TFDP2: variants seen among roughly 807,000 people sequenced by gnomAD.
TFDP2 encodes transcription factor Dp-2, also known as transcription factor Dp-2 (E2F dimerization partner 2).
TFDP2 carries 17 observed loss-of-function variants against 59.3 expected under a neutral mutation model. The ratio of observed to expected loss-of-function variants is 0.29; its 90% CI spans 0.20 to 0.43. The LOEUF (loss-of-function observed/expected upper bound fraction) is 0.43. TFDP2 is among the 20% of genes least tolerant of loss of function. TFDP2 has a pLI of 1.00. For synonymous variants in TFDP2, 180 were observed against 194.7 expected (o/e 0.92, Z 0.63); for missense variants, 391 against 528.8 (o/e 0.74, Z 2.56).
intron 9 of TFDP2, among the ~76,000 whole-genome samples, chr3:141,969,129 ACATATATATCC>A (rs1939159335): frequency 1.3e-5 from 1 of 78,748 alleles, no homozygotes; most frequent in African/African-American, 7.3e-5. Context: ...TATATATATA[ACATATATATCC>A]CATATATATG....
At chr3:142,100,727 TA>T (rs1176777507) in intron 2 of TFDP2, among the ~76,000 whole-genome samples, 1 of 151,186 alleles carries the variant, frequency 6.6e-6, no homozygotes, top group Non-Finnish European at 1.5e-5. Flanking sequence ...CCCTAACATA[TA>T]GATGGAAATG....
chr3:141,981,173 CTATGTTTAGG>C (rs1285344918), intron 6 of TFDP2, among the ~76,000 whole-genome samples: 2 of 151,976 alleles, frequency 1.3e-5, no homozygotes, highest in Admixed American at 1.3e-4. Context: ...CTACTTTTTT[CTATGTTTAGG>C]TATGTTTAAA....
chr3:142,048,240 CCTCGT>C (rs1947445544), intron 3 of TFDP2, among the ~76,000 whole-genome samples: 1 of 151,880 alleles, frequency 6.6e-6, no homozygotes, highest in Admixed American at 6.6e-5. Flanking sequence ...CATGGTGAAA[CCTCGT>C]CTCCACTAAA....
intron 3 of TFDP2, among the ~76,000 whole-genome samples, chr3:142,007,231 A>T (rs1295070000): frequency 6.6e-6 from 1 of 151,720 alleles, no homozygotes; most frequent in Non-Finnish European, 1.5e-5. Flanking sequence ...TTTTCCCCCT[A>T]ATTCCACATA....
At chr3:142,103,770 A>C (rs1046083915) in intron 1 of TFDP2, among the ~76,000 whole-genome samples, 2 of 152,164 alleles carry the variant, frequency 1.3e-5, no homozygotes, top group Non-Finnish European at 2.9e-5. Context: ...ATAAAGTAAA[A>C]CTTAACTTCG....
chr3:142,123,090 T>A (rs1407293200), intron 1 of TFDP2, among the ~76,000 whole-genome samples: 1 of 151,978 alleles, frequency 6.6e-6, no homozygotes, highest in Non-Finnish European at 1.5e-5. Context: ...GCCTGCTGAG[T>A]AGCTGAAATT....
chr3:141,980,238 T>TA (rs199763613), intron 6 of TFDP2, among the ~76,000 whole-genome samples: 9,022 of 111,318 alleles, frequency 0.081, 354 homozygotes, highest in East Asian at 0.21. Flanking sequence ...GTTTCAAAAG[T>TA]AAAAAAAAAA....
chr3:142,109,606 G>A (rs906639767), intron 1 of TFDP2, among the ~76,000 whole-genome samples: 1 of 152,116 alleles, frequency 6.6e-6, no homozygotes, highest in African/African-American at 2.4e-5. Flanking sequence ...GGGATTACAG[G>A]CATGAGCCAC....
Position 142,149,444 on chromosome 3 carries a change from G to C in TFDP2, c.-354C>G, listed in dbSNP as rs1286694647. ...CCGCGGGCCGGGCAGCTGCGGCAGC[G>C]CCGCAGCCGAGATCGCTACCGATTT... is the stretch of plus-strand genomic sequence containing the variant. On this transcript the variant is annotated 5_prime_UTR_variant, in exon 1 of 13. Coordinates refer to ENST00000489671, the MANE Select transcript of TFDP2 (RefSeq NM_001178139.2). 10 of 379,132 alleles carry C rather than the reference G, an allele frequency of 2.6e-5. No homozygotes were observed. The highest frequency in any genetic ancestry group is 2.9e-4 in the South Asian group (2 of 6,854). The allele number at this position is 379,132 out of a possible 1,614,324, so 23.5% of individuals were successfully genotyped here.
chr3:141,958,418 T>C (rs1936959565), intron 11 of TFDP2, among the ~76,000 whole-genome samples: 1 of 152,172 alleles, frequency 6.6e-6, no homozygotes, highest in Non-Finnish European at 1.5e-5. Flanking sequence ...ACTTCACTTA[T>C]ATAGAGGCCA....
chr3:142,071,976 A>G (rs1463778570), intron 3 of TFDP2, among the ~76,000 whole-genome samples: 1 of 152,200 alleles, frequency 6.6e-6, no homozygotes, highest in African/African-American at 2.4e-5. Flanking sequence ...CATATACATA[A>G]CAGATGACAA....
intron 8 of TFDP2, among the ~76,000 whole-genome samples, chr3:141,973,300 G>A (rs1332572132): frequency 6.6e-6 from 1 of 151,634 alleles, no homozygotes; most frequent in African/African-American, 2.4e-5. Context: ...TTTTAGTAGA[G>A]ACGGGGTTTT....
chr3:141,996,521 A>C lies in TFDP2; in HGVS notation c.187-1380T>G, dbSNP rs570872039. Among the ~76,000 whole-genome samples the C allele has an allele frequency of 2.8e-4, 42 of 152,354 alleles. No individual in the cohort carries two copies. The South Asian group carries it at 7.2e-3, about 26-fold the overall frequency. Reference sequence around the variant, plus strand: ...ATTTCTACTGCCTTATGCAAGACAAAATGCTAATTAATTTTTATCTCCCTG... The same window carrying C: ...ATTTCTACTGCCTTATGCAAGACAACATGCTAATTAATTTTTATCTCCCTG... On this transcript the variant is annotated intron_variant, in intron 4 of 12. Coordinates refer to ENST00000489671, the MANE Select transcript of TFDP2 (RefSeq NM_001178139.2).
At chr3:142,108,494 G>A (rs1219514713) in intron 1 of TFDP2, among the ~76,000 whole-genome samples, 9 of 152,146 alleles carry the variant, frequency 5.9e-5, no homozygotes, top group Admixed American at 5.9e-4. Context: ...ACAGGCATGA[G>A]CCACCATGCC....
intron 1 of TFDP2, among the ~76,000 whole-genome samples, chr3:142,123,295 C>T (rs545143690): frequency 1.3e-5 from 2 of 152,254 alleles, no homozygotes; most frequent in African/African-American, 2.4e-5. Flanking sequence ...CCACTGCACC[C>T]GGCTGATTTT....
intron 3 of TFDP2, chr3:142,043,788 G>A: frequency 6.3e-7 from 1 of 1,597,024 alleles, no homozygotes; most frequent in Non-Finnish European, 8.6e-7. Flanking sequence ...TCAGCTTGTG[G>A]ATGTGCTCCA....
At chr3:142,006,482 T>TTTC (rs1944224108) in intron 3 of TFDP2, among the ~76,000 whole-genome samples, 1 of 151,708 alleles carries the variant, frequency 6.6e-6, no homozygotes, top group South Asian at 2.1e-4. Flanking sequence ...TTTTTTTTTT[T>TTTC]TTTGAGATGG....
At chr3:141,978,302 G>A (rs1182533379) in intron 7 of TFDP2, among the ~76,000 whole-genome samples, 11 of 151,594 alleles carry the variant, frequency 7.3e-5, no homozygotes, top group Admixed American at 1.3e-4. Context: ...CCGAGATCGC[G>A]CCACTGAACT....
chr3:141,999,285 G>T (rs1057191012), intron 4 of TFDP2, among the ~76,000 whole-genome samples: 1 of 151,976 alleles, frequency 6.6e-6, no homozygotes, highest in African/African-American at 2.4e-5. Context: ...TTACTTTATT[G>T]TAAGAATACA....
Sources: gnomAD v4.1 joint callset for allele counts (sites outside exome capture counted in the v4.1 genomes callset) on GRCh38, gnomAD v4.1.1 for gene constraint, MANE v1.5 for transcripts, NCBI Gene and HGNC (gene_info 2026-07-23, HGNC 2026-07-21) for gene names.